The following PTPRM variants were observed in gnomAD, a reference collection of about 807,000 sequenced individuals.
PTPRM encodes the protein receptor-type tyrosine-protein phosphatase mu.
PTPRM carries 47 observed loss-of-function variants against 186.7 expected under a neutral mutation model. The observed-to-expected ratio is 0.25, with a 90% CI of 0.20 to 0.32. The LOEUF is 0.32. Among genes scored for constraint, PTPRM ranks in the 10% least tolerant of loss-of-function variants. PTPRM has a pLI of 1.00. For synonymous variants in PTPRM, 668 were observed against 674.9 expected (o/e 0.99, Z 0.16); for missense variants, 1,494 against 1,865.0 (o/e 0.80, Z 3.66).
At chr18:8,061,303 TG>T (rs1568271669) in intron 7 of PTPRM, among the ~76,000 whole-genome samples, 2 of 115,222 alleles carry the variant, frequency 1.7e-5, no homozygotes. Flanking sequence ...GTTTTCCATT[TG>T]CTTGGTAGAT....
chr18:8,321,648 TG>T (rs1195634732), intron 22 of PTPRM, among the ~76,000 whole-genome samples: 2 of 152,234 alleles, frequency 1.3e-5, no homozygotes, highest in Non-Finnish European at 2.9e-5. Context: ...ACTAATGCCC[TG>T]TTTACCAGGT....
chr18:8,401,222 G>A (rs1332057862), intron 32 of PTPRM, among the ~76,000 whole-genome samples: 2 of 152,168 alleles, frequency 1.3e-5, no homozygotes, highest in Admixed American at 6.5e-5. Flanking sequence ...AGGGGAGGTT[G>A]TGGCTGTGCT....
intron 7 of PTPRM, among the ~76,000 whole-genome samples, chr18:8,010,212 C>T (rs1023314468): frequency 1.3e-5 from 2 of 152,200 alleles, no homozygotes; most frequent in Non-Finnish European, 2.9e-5. Flanking sequence ...TATAAGACAA[C>T]TCCTTGTTGT....
intron 3 of PTPRM, among the ~76,000 whole-genome samples, chr18:7,891,684 G>C (rs910113894): frequency 4.6e-5 from 7 of 151,970 alleles, no homozygotes; most frequent in African/African-American, 1.7e-4. Flanking sequence ...GGACCAGCCT[G>C]GTCAACATGG....
At chr18:7,926,513 T>TATATTAGTTACAA (rs1403911361) in intron 4 of PTPRM, 55 bp from the exon 5 acceptor site, 2 of 1,380,338 alleles carry the variant, frequency 1.4e-6, no homozygotes, top group African/African-American at 2.9e-5. Context: ...GAAGAAGACA[T>TATATTAGTTACAA]ATATTAGTTA....
At chr18:7,644,442 G>A (rs1319110404) in intron 1 of PTPRM, among the ~76,000 whole-genome samples, 2 of 152,146 alleles carry the variant, frequency 1.3e-5, no homozygotes, top group Non-Finnish European at 2.9e-5. Context: ...GTTCTACTAT[G>A]TAGAAGAGTC....
In PTPRM at chr18:8,126,012, TATA is replaced by T. The variant is rs2092343133; in HGVS notation, c.2167+11186_2167+11188del. ...ATATATATATATATATATATATATA[TATA>T]TATATATATATATTTTAAATCAGTA... On this transcript the variant is annotated intron_variant, in intron 13 of 32. Transcript: ENST00000580170. Among the ~76,000 whole-genome samples, 9 of 25,106 alleles carry T rather than the reference TATA, an allele frequency of 3.6e-4. 1 individual carries two copies. The highest frequency in any genetic ancestry group is 7.9e-4 in the African/African-American group (7 of 8,820). The allele number at this position is 25,106 out of a possible 152,430, so 16.5% of individuals were successfully genotyped here. A position where few individuals can be genotyped will look rare whatever the true frequency, so the allele number is the denominator to read the frequency against.
At chr18:8,372,053 ATTCTTTTTTTT>A (rs2095665644) in intron 24 of PTPRM, among the ~76,000 whole-genome samples, 2 of 68,544 alleles carry the variant, frequency 2.9e-5, no homozygotes, top group Non-Finnish European at 3.1e-5. Context: ...TCCACTCTAT[ATTCTTTTTTTT>A]TTTTTTTTTT....
chr18:7,683,029 C>G (rs1455671420), intron 1 of PTPRM, among the ~76,000 whole-genome samples: 4 of 152,208 alleles, frequency 2.6e-5, no homozygotes, highest in African/African-American at 9.6e-5. Context: ...TAATGTTTAG[C>G]CCCTATTTGA....
chr18:7,818,877 A>G (rs112841667), intron 2 of PTPRM, among the ~76,000 whole-genome samples: 7 of 152,344 alleles, frequency 4.6e-5, no homozygotes, highest in South Asian at 2.1e-4. Flanking sequence ...GTAGAGCTGG[A>G]TACATACAAT....
intron 1 of PTPRM, among the ~76,000 whole-genome samples, chr18:7,671,660 A>G (rs879704462): frequency 4.6e-5 from 7 of 152,244 alleles, no homozygotes; most frequent in Non-Finnish European, 1.0e-4. Context: ...TTCAAAAGTA[A>G]GTAACTGGAT....
intron 1 of PTPRM, among the ~76,000 whole-genome samples, chr18:7,772,382 T>G (rs1196497538): frequency 6.9e-6 from 1 of 144,266 alleles, no homozygotes; most frequent in Non-Finnish European, 1.5e-5. Flanking sequence ...TTTCTTTCTT[T>G]CTTTCTTTCT....
At chr18:8,343,292 A>G (rs2148262651) in intron 22 of PTPRM, 131 bp from the exon 23 acceptor site, 2 of 616,250 alleles carry the variant, frequency 3.2e-6, no homozygotes, top group Non-Finnish European at 5.5e-6. Flanking sequence ...CATTGACACT[A>G]GAGACCTGTG....
chr18:8,395,463 A>T (rs1418713102), intron 32 of PTPRM, among the ~76,000 whole-genome samples: 2 of 152,214 alleles, frequency 1.3e-5, no homozygotes, highest in Non-Finnish European at 2.9e-5. Context: ...CATGCAGTTT[A>T]AGAAGTCATA....
At chr18:8,036,854 T>A (rs561488) in intron 7 of PTPRM, among the ~76,000 whole-genome samples, 98,928 of 152,022 alleles carry the variant, frequency 0.65, 32,471 homozygotes, top group African/African-American at 0.73. Flanking sequence ...AAAGATGGCC[T>A]TATTTACAAC....
At chr18:8,250,087 A>G (rs2094513657) in intron 17 of PTPRM, among the ~76,000 whole-genome samples, 1 of 152,158 alleles carries the variant, frequency 6.6e-6, no homozygotes, top group Non-Finnish European at 1.5e-5. Flanking sequence ...ACAACAAGAA[A>G]TGTCTTGCTG....
At chr18:7,948,734 A>C (rs1351315246) in intron 5 of PTPRM, among the ~76,000 whole-genome samples, 2 of 152,184 alleles carry the variant, frequency 1.3e-5, no homozygotes, top group African/African-American at 4.8e-5. Context: ...CTTATAGTTG[A>C]ATGTTATTCT....
intron 1 of PTPRM, among the ~76,000 whole-genome samples, chr18:7,625,452 T>A (rs2038037241): frequency 6.6e-6 from 1 of 152,220 alleles, no homozygotes; most frequent in East Asian, 1.9e-4. Context: ...GTGGTGAAAT[T>A]ATATTGCAAG....
intron 6 of PTPRM, among the ~76,000 whole-genome samples, chr18:7,949,707 C>A (rs1048701761): frequency 6.6e-6 from 1 of 151,918 alleles, no homozygotes; most frequent in African/African-American, 2.4e-5. Flanking sequence ...CATCAGCCAG[C>A]GTGTTTATGA....
Sources: allele counts gnomAD v4.1 joint callset (sites outside exome capture counted in the v4.1 genomes callset), GRCh38; gene constraint gnomAD v4.1.1; transcripts MANE v1.5; gene names NCBI Gene and HGNC (gene_info 2026-07-23, HGNC 2026-07-21).